CNTNAP3: variants seen among roughly 807,000 people sequenced by gnomAD.
CNTNAP3 encodes the protein contactin-associated protein-like 3.
CNTNAP3 carries 36 observed loss-of-function variants against 92.1 expected under a neutral mutation model. The ratio of observed to expected loss-of-function variants is 0.39; its 90% CI spans 0.30 to 0.52. CNTNAP3 has a LOEUF of 0.52. CNTNAP3 is among the 20% of genes least tolerant of loss of function. CNTNAP3 has a pLI of 0.76. For synonymous variants in CNTNAP3, 232 were observed against 422.3 expected, an observed-to-expected ratio of 0.55 and a Z score of 5.53; for missense variants, 534 against 1,069.6, an observed-to-expected ratio of 0.50 and a Z score of 6.98.
rs1454670243 is a variant in CNTNAP3, at chr9:39,164,684, A to G, written c.1477+1249T>C. ...TTCTTACTCGAGAGTGAGTTTTCTTATCATATATGTGGTGATATGGGATGA... is the reference window on the plus strand; with the variant it reads ...TTCTTACTCGAGAGTGAGTTTTCTTGTCATATATGTGGTGATATGGGATGA... On this transcript the variant is annotated intron_variant, in intron 9 of 23. Coordinates refer to ENST00000297668, the MANE Select transcript of CNTNAP3 (RefSeq NM_033655.5). Among the ~76,000 whole-genome samples the G allele has an allele frequency of 1.4e-5, 2 of 144,440 alleles. 1 individual carries two copies. The highest frequency in any genetic ancestry group is 5.5e-5 in the African/African-American group (2 of 36,622). The allele number at this position is 144,440 out of a possible 152,430, so 94.8% of individuals were successfully genotyped here. A position where few individuals can be genotyped will look rare whatever the true frequency, so the allele number is the denominator to read the frequency against.
intron 21 of CNTNAP3, among the ~76,000 whole-genome samples, chr9:39,080,269 C>T (rs1424396246): frequency 1.4e-5 from 2 of 140,694 alleles, no homozygotes; most frequent in Non-Finnish European, 3.1e-5. Flanking sequence ...TATCTGATCA[C>T]TCTCAATATC....
At position 39,087,674 on chromosome 9, in the gene CNTNAP3, G is replaced by T. The variant is rs539738400; in HGVS notation, c.3220+749C>A. Among the ~76,000 whole-genome samples, 1,214 of 152,216 alleles carry T rather than the reference G, an allele frequency of 8.0e-3. 16 individuals are homozygous for T. The highest frequency in any genetic ancestry group is 0.028 in the African/African-American group (1,147 of 41,518). Reference sequence around the variant, plus strand: ...GCTCATTTTTTGTATTTTTAGTAGAGATGGGGTTTCACTGTGTTAGCCAGG... The same window carrying T: ...GCTCATTTTTTGTATTTTTAGTAGATATGGGGTTTCACTGTGTTAGCCAGG... On this transcript the variant is annotated intron_variant, in intron 19 of 23. Transcript: ENST00000297668.
intron 15 of CNTNAP3, among the ~76,000 whole-genome samples, chr9:39,108,058 G>A (rs11792583): frequency 0.099 from 14,991 of 151,906 alleles, 804 homozygotes; most frequent in African/African-American, 0.15. Context: ...CAAAATTTCC[G>A]GGTCAGAGTT....
intron 10 of CNTNAP3, among the ~76,000 whole-genome samples, chr9:39,146,509 G>A (rs1024809505): frequency 1.8e-4 from 27 of 151,816 alleles, no homozygotes; most frequent in African/African-American, 6.0e-4. Flanking sequence ...CTAACACGGT[G>A]AAACCCCGTC....
intron 14 of CNTNAP3, among the ~76,000 whole-genome samples, chr9:39,113,419 A>G (rs1820758628): frequency 6.6e-6 from 1 of 152,158 alleles, no homozygotes; most frequent in Admixed American, 6.5e-5. Flanking sequence ...GTGTAATGGT[A>G]ATTATTTTAA....
chr9:39,106,857 T>C (rs1229504489), intron 15 of CNTNAP3, among the ~76,000 whole-genome samples: 2 of 152,096 alleles, frequency 1.3e-5, no homozygotes, highest in African/African-American at 4.8e-5. Context: ...CCTGCAGATA[T>C]ACCCTCCATG....
chr9:39,115,218 G>C (rs1160639673), intron 14 of CNTNAP3, among the ~76,000 whole-genome samples: 3 of 150,622 alleles, frequency 2.0e-5, no homozygotes, highest in Admixed American at 2.0e-4. Flanking sequence ...TATGCCTGAA[G>C]AGACTTAAAA....
chr9:39,128,537 G>A (rs1287121645), intron 13 of CNTNAP3, among the ~76,000 whole-genome samples: 5 of 151,542 alleles, frequency 3.3e-5, no homozygotes, highest in Non-Finnish European at 5.9e-5. Context: ...AATAAAAACT[G>A]TCAGCCAACC....
chr9:39,131,984 AAATTT>A (rs1369235722), intron 13 of CNTNAP3, among the ~76,000 whole-genome samples: 2 of 151,900 alleles, frequency 1.3e-5, no homozygotes, highest in East Asian at 1.9e-4. Flanking sequence ...TTAAAGAGTG[AAATTT>A]AATTTAAGTG....
At chr9:39,128,628 G>A (rs974139948) in intron 13 of CNTNAP3, among the ~76,000 whole-genome samples, 2 of 152,012 alleles carry the variant, frequency 1.3e-5, no homozygotes, top group African/African-American at 4.8e-5. Flanking sequence ...ACAAGGCAAG[G>A]ATGTCTGCCC....
chr9:39,152,007 TAC>T (rs935210123), intron 9 of CNTNAP3, among the ~76,000 whole-genome samples: 6 of 148,178 alleles, frequency 4.0e-5, no homozygotes, highest in African/African-American at 7.4e-5. Flanking sequence ...GAGTTTTCTT[TAC>T]AGTGTTCACT....
rs1364890063 is a variant in CNTNAP3, at chr9:39,132,956, TCCCGCAGCGCAGAGCCAGCCGCTG to T, written c.2032_2055del (p.Gln678_Gly685del). Reference sequence around the variant, plus strand: ...CCTCGTGAGTCCGGGCGCCGCGCCGTCCCGCAGCGCAGAGCCAGCCGCTGCTCGCAGCGCTCCGCCAGGTTCACC... The same window carrying T: ...CCTCGTGAGTCCGGGCGCCGCGCCGTCTCGCAGCGCTCCGCCAGGTTCACC... On this transcript the variant is annotated inframe_deletion, in exon 13 of 24. Transcript: ENST00000297668. 6.5e-7 allele frequency: 1 copy of T among 1,547,390 alleles called. No homozygotes were observed. The highest frequency in any genetic ancestry group is 1.9e-5 in the Admixed American group (1 of 51,916).
At chr9:39,100,379 A>G (rs1453953218) in intron 17 of CNTNAP3, among the ~76,000 whole-genome samples, 1 of 152,220 alleles carries the variant, frequency 6.6e-6, no homozygotes, top group African/African-American at 2.4e-5. Context: ...AGTCTGGCAA[A>G]TAGTCCTAAA....
chr9:39,084,362 T>C (rs1328235031), intron 21 of CNTNAP3, among the ~76,000 whole-genome samples: 2 of 151,684 alleles, frequency 1.3e-5, no homozygotes, highest in African/African-American at 2.4e-5. Flanking sequence ...CCGGCTAATT[T>C]TTTTTGTATT....
intron 21 of CNTNAP3, among the ~76,000 whole-genome samples, chr9:39,081,645 A>T (rs886709192): frequency 3.9e-5 from 6 of 152,058 alleles, no homozygotes; most frequent in African/African-American, 1.4e-4. Flanking sequence ...TTCCCAGCCC[A>T]CTGAAGTCAT....
intron 14 of CNTNAP3, among the ~76,000 whole-genome samples, chr9:39,114,718 G>C (rs1820813327): frequency 6.6e-6 from 1 of 151,964 alleles, no homozygotes; most frequent in African/African-American, 2.4e-5. Context: ...TTGTACACTT[G>C]TATGCATTTA....
rs1295423796 is a variant in CNTNAP3 at position 39,064,974 on chromosome 9, CATAT to C, written c.*8912_*8915del. On this transcript the variant is annotated 3_prime_UTR_variant, in exon 24 of 24. Coordinates refer to ENST00000297668, the MANE Select transcript of CNTNAP3 (RefSeq NM_033655.5). ...CATATCAAAATGTATTATATATACA[CATAT>C]ATATACATGTACATATTTATTGAAG... Among the ~76,000 whole-genome samples, 1 of 147,314 alleles carries C rather than the reference CATAT, an allele frequency of 6.8e-6. No individual in the cohort carries two copies.
At chr9:39,142,738 T>C (rs1333479681) in intron 11 of CNTNAP3, among the ~76,000 whole-genome samples, 1 of 151,692 alleles carries the variant, frequency 6.6e-6, no homozygotes, top group Non-Finnish European at 1.5e-5. Context: ...ACAAAAATCA[T>C]ACTTCATGCT....
intron 13 of CNTNAP3, among the ~76,000 whole-genome samples, chr9:39,126,560 T>C (rs1196879725): frequency 1.3e-5 from 2 of 152,182 alleles, no homozygotes; most frequent in East Asian, 1.9e-4. Flanking sequence ...TATTAGCAAA[T>C]TGAACCAAAC....
Sources: gnomAD v4.1 joint callset for allele counts (sites outside exome capture counted in the v4.1 genomes callset) on GRCh38, gnomAD v4.1.1 for gene constraint, MANE v1.5 for transcripts, NCBI Gene and HGNC (gene_info 2026-07-23, HGNC 2026-07-21) for gene names.